Variants in GBF1 observed in about 807,000 individuals in gnomAD.
GBF1 encodes the protein golgi brefeldin A resistant guanine nucleotide exchange factor 1.
Under a neutral mutation model 210.5 loss-of-function variants are expected in GBF1, and 114 were observed. The ratio of observed to expected loss-of-function variants is 0.54; its 90% CI spans 0.47 to 0.63. The LOEUF (loss-of-function observed/expected upper bound fraction) is 0.63. Among genes scored for constraint, GBF1 ranks in the 30% least tolerant of loss-of-function variants. The pLI is 0.00. For synonymous variants in GBF1, 850 were observed against 889.2 expected, an observed-to-expected ratio of 0.96 and a Z score of 0.78; for missense variants, 1,851 against 2,357.7, an observed-to-expected ratio of 0.79 and a Z score of 4.45.
chr10:102,369,480 T>C, intron 24 of GBF1, 93 bp downstream of exon 24: 1 of 1,060,848 alleles, frequency 9.4e-7, no homozygotes, highest in East Asian at 2.5e-5. Flanking sequence ...TTGAGAGTAA[T>C]GTTGGGCCTG....
intron 3 of GBF1, among the ~76,000 whole-genome samples, chr10:102,342,973 A>C (rs1212805710): frequency 6.6e-6 from 1 of 152,200 alleles, no homozygotes; most frequent in Non-Finnish European, 1.5e-5. Context: ...GGCTGGGTTC[A>C]AATCCCAGCT....
chr10:102,272,817 G>A lies in GBF1; in HGVS notation c.163+12701G>A, dbSNP rs560008488. Among the ~76,000 whole-genome samples, 137 of 152,300 alleles carry A rather than the reference G, an allele frequency of 9.0e-4. 1 individual carries two copies. Among genetic ancestry groups the A allele is most frequent in the Admixed American group, 8.9e-3 (136 of 15,302 alleles). ...ATAATGATCACTAGTGGTGGCAAAT[G>A]TGGGTCTGCCTCCTCCTAGGGGCTT... On this transcript the variant is annotated intron_variant, in intron 3 of 39. Coordinates refer to ENST00000369983, the MANE Select transcript of GBF1 (RefSeq NM_001377137.1).
intron 3 of GBF1, among the ~76,000 whole-genome samples, chr10:102,334,540 T>G (rs1177250680): frequency 1.3e-5 from 2 of 152,046 alleles, no homozygotes; most frequent in African/African-American, 2.4e-5. Context: ...AGCTCTGACA[T>G]GAGAAGAGAA....
At chr10:102,340,232 G>A (rs2058080419) in intron 3 of GBF1, among the ~76,000 whole-genome samples, 1 of 149,590 alleles carries the variant, frequency 6.7e-6, no homozygotes, top group Non-Finnish European at 1.5e-5. Flanking sequence ...TGGGATTATA[G>A]GCATGAGGCA....
At chr10:102,262,449 G>T (rs1471764130) in intron 3 of GBF1, among the ~76,000 whole-genome samples, 1 of 152,086 alleles carries the variant, frequency 6.6e-6, no homozygotes. Context: ...TCAGAGTACT[G>T]TCTTCTTAAG....
chr10:102,286,066 G>T (rs968188545), intron 3 of GBF1, among the ~76,000 whole-genome samples: 2 of 151,998 alleles, frequency 1.3e-5, no homozygotes, highest in African/African-American at 4.8e-5. Context: ...AGTGTTGTTG[G>T]GTTTGCAAAT....
chr10:102,332,104 C>A (rs1459845200), intron 3 of GBF1, among the ~76,000 whole-genome samples: 6 of 152,024 alleles, frequency 3.9e-5, no homozygotes, highest in Non-Finnish European at 1.5e-5. Context: ...AAGTGATCTA[C>A]CCGCCTCCGC....
chr10:102,255,562 A>G (rs1208729650), intron 1 of GBF1, among the ~76,000 whole-genome samples: 2 of 152,218 alleles, frequency 1.3e-5, no homozygotes, highest in Non-Finnish European at 2.9e-5. Context: ...ACTCAGTTCC[A>G]TAGTCATCCA....
intron 3 of GBF1, among the ~76,000 whole-genome samples, chr10:102,306,073 C>T (rs1475510366): frequency 6.6e-6 from 1 of 152,046 alleles, no homozygotes; most frequent in Non-Finnish European, 1.5e-5. Flanking sequence ...TAAAGGATAC[C>T]TAAGAAGAAG....
At chr10:102,344,511 C>T (rs545802340) in intron 4 of GBF1, among the ~76,000 whole-genome samples, 13 of 152,102 alleles carry the variant, frequency 8.5e-5, no homozygotes, top group African/African-American at 3.1e-4. Flanking sequence ...GATGGAGTCT[C>T]ACTCTGTCGC....
intron 3 of GBF1, among the ~76,000 whole-genome samples, chr10:102,282,066 A>G (rs1204803657): frequency 2.7e-5 from 4 of 149,520 alleles, no homozygotes; most frequent in Admixed American, 2.7e-4. Context: ...AGCTGGGACT[A>G]CAGGCGCCCA....
rs1358722519 is a variant in GBF1 at position 102,343,800 on chromosome 10, A to T, written c.164-251A>T. Among the ~76,000 whole-genome samples the T allele has an allele frequency of 0.014, 99 of 6,900 alleles. No homozygotes were observed. The South Asian group carries it at 0.2, about 14-fold the overall frequency. 4.5% of individuals were successfully genotyped at this position (6,900 alleles called of 152,430 possible). A position where few individuals can be genotyped will look rare whatever the true frequency, so the allele number is the denominator to read the frequency against. ...ACTCCAAAGCAGGACTCTGTCTGAC[A>T]AAAAAAAAAAAAAAAAGATAATATT... On this transcript the variant is annotated intron_variant, in intron 3 of 39. Coordinates refer to ENST00000369983, the MANE Select transcript of GBF1 (RefSeq NM_001377137.1).
chr10:102,259,917 T>C, intron 2 of GBF1, 133 bp from the exon 3 acceptor site: 1 of 599,232 alleles, frequency 1.7e-6, no homozygotes, highest in Non-Finnish European at 3.0e-6. Flanking sequence ...CTATGGCTAA[T>C]TTTCTTTTCC....
intron 3 of GBF1, among the ~76,000 whole-genome samples, chr10:102,307,698 G>A (rs2078023088): frequency 6.6e-6 from 1 of 152,132 alleles, no homozygotes; most frequent in Non-Finnish European, 1.5e-5. Flanking sequence ...GGCTGAGGCA[G>A]CAGAATGGCG....
intron 3 of GBF1, among the ~76,000 whole-genome samples, chr10:102,340,025 C>T (rs1209675682): frequency 2.7e-5 from 4 of 150,338 alleles, no homozygotes; most frequent in Non-Finnish European, 5.9e-5. Flanking sequence ...ACGATCTCAG[C>T]TCACTGCAGC....
At chr10:102,261,724 C>T (rs1002374883) in intron 3 of GBF1, among the ~76,000 whole-genome samples, 2 of 150,392 alleles carry the variant, frequency 1.3e-5, no homozygotes, top group African/African-American at 4.9e-5. Flanking sequence ...CAGATTCAAG[C>T]GATTTTCGTG....
At chr10:102,320,056 G>T (rs1250330165) in intron 3 of GBF1, among the ~76,000 whole-genome samples, 2 of 151,876 alleles carry the variant, frequency 1.3e-5, no homozygotes, top group African/African-American at 4.8e-5. Context: ...TCTCACATTG[G>T]TTTTTTATTT....
At chr10:102,372,454 G>A (rs1452107805) in intron 29 of GBF1, among the ~76,000 whole-genome samples, 1 of 152,152 alleles carries the variant, frequency 6.6e-6, no homozygotes, top group Non-Finnish European at 1.5e-5. Context: ...GGCAGAGGTT[G>A]TAGTAAGCCA....
rs1334297071 is a variant in GBF1, at chr10:102,245,665, C to T, written c.-127C>T. 6.6e-6 allele frequency: 1 copy of T among 152,314 alleles called. No individual in the cohort carries two copies. Among genetic ancestry groups the T allele is most frequent in the African/African-American group, 2.4e-5 (1 of 41,460 alleles). The allele number at this position is 152,314 out of a possible 1,614,324, so 9.4% of individuals were successfully genotyped here. ...CCAGGAAACAGGCTCCTTCTCTTCT[C>T]CCATCTGCTACCAGAGCCGGGAGAG... On this transcript the variant is annotated 5_prime_UTR_variant, in exon 1 of 40. Coordinates refer to ENST00000369983, the MANE Select transcript of GBF1 (RefSeq NM_001377137.1).
Sources: allele counts gnomAD v4.1 joint callset (sites outside exome capture counted in the v4.1 genomes callset), GRCh38; gene constraint gnomAD v4.1.1; transcripts MANE v1.5; gene names NCBI Gene and HGNC (gene_info 2026-07-23, HGNC 2026-07-21).